Variants in SYN3 observed in about 807,000 individuals in gnomAD.
The protein encoded by SYN3 is synapsin III, also known as synapsin-3.
Under a neutral mutation model 65.8 loss-of-function variants are expected in SYN3, and 35 were observed. That is an observed-to-expected ratio of 0.53 (90% CI 0.41 to 0.70). SYN3 has a LOEUF of 0.70. SYN3 is among the 30% of genes least tolerant of loss of function. The pLI, the probability that SYN3 is intolerant of heterozygous loss-of-function variation, is 0.00. For missense variants in SYN3, 680 were observed against 749.0 expected, an observed-to-expected ratio of 0.91 and a Z score of 1.08; for synonymous variants, 270 against 292.9, an observed-to-expected ratio of 0.92 and a Z score of 0.80.
At position 32,620,726 on chromosome 22, in the gene SYN3, C is replaced by CT. The variant is rs199932750; in HGVS notation, c.712-23991dup. Reference sequence around the variant, plus strand: ...AAGAAGCTTCACAACCCAAATCACTCTTTTTTTTTTTTAAACGGAATCTCA... The same window carrying CT: ...AAGAAGCTTCACAACCCAAATCACTCTTTTTTTTTTTTTAAACGGAATCTCA... On this transcript the variant is annotated intron_variant, in intron 6 of 13. Coordinates refer to ENST00000358763, the MANE Select transcript of SYN3 (RefSeq NM_003490.4). 8.3e-4 allele frequency among the ~76,000 whole-genome samples: 122 copies of CT among 146,752 alleles called. 2 individuals are homozygous for CT. The highest frequency in any genetic ancestry group is 1.6e-3 in the Admixed American group (23 of 14,618).
chr22:32,936,703 T>A (rs1355950275), intron 3 of SYN3, among the ~76,000 whole-genome samples: 1 of 152,180 alleles, frequency 6.6e-6, no homozygotes, highest in Non-Finnish European at 1.5e-5. Flanking sequence ...GGTAGGTTAC[T>A]CAAAATTTCA....
At chr22:32,675,244 T>C (rs1358909237) in intron 6 of SYN3, among the ~76,000 whole-genome samples, 3 of 152,142 alleles carry the variant, frequency 2.0e-5, no homozygotes, top group African/African-American at 7.2e-5. Flanking sequence ...TCTTGTGGGT[T>C]TGTTAATTTA....
chr22:32,541,783 C>T, intron 7 of SYN3, 70 bp from the exon 8 acceptor site: 15 of 1,547,130 alleles, frequency 9.7e-6, no homozygotes, highest in Non-Finnish European at 1.3e-5. Flanking sequence ...ATGCCAGGAA[C>T]AAGTGCTCTG....
intron 6 of SYN3, among the ~76,000 whole-genome samples, chr22:32,761,539 T>G (rs2045479870): frequency 6.6e-6 from 1 of 152,144 alleles, no homozygotes; most frequent in African/African-American, 2.4e-5. Flanking sequence ...TTAGCCAGCT[T>G]GCTCCTGAGG....
intron 10 of SYN3, among the ~76,000 whole-genome samples, chr22:32,532,874 C>T (rs540241700): frequency 3.3e-5 from 5 of 152,088 alleles, no homozygotes; most frequent in South Asian, 4.2e-4. Context: ...GGGGGCTGGA[C>T]GCGGCACTGG....
chr22:32,984,735 G>T lies in SYN3; in HGVS notation c.312-4033C>A, dbSNP rs548962190. Among the ~76,000 whole-genome samples, 9 of 152,246 alleles carry T rather than the reference G, an allele frequency of 5.9e-5. No individual in the cohort carries two copies. In the East Asian group the frequency reaches 1.4e-3, roughly 23 times the overall value. On this transcript the variant is annotated intron_variant, in intron 2 of 13. Transcript: ENST00000358763. ...TCTTTCGTGGATTTAAAAATCACTT[G>T]CTTTTAAATCCAAGCTCCAAATTTA...
rs997175375 is a variant in SYN3, at chr22:32,510,803, G to A, written c.*2889C>T. ...GGGGGAAGGGCCCAGGAACCTTCCA[G>A]TCTGAGAGGCTGGTATTCTGGTTCT... On this transcript the variant is annotated 3_prime_UTR_variant, in exon 14 of 14. Transcript: ENST00000358763. Among the ~76,000 whole-genome samples the A allele has an allele frequency of 6.6e-5, 10 of 152,282 alleles. No homozygotes were observed. Among genetic ancestry groups the A allele is most frequent in the African/African-American group, 2.4e-4 (10 of 41,560 alleles).
chr22:32,709,888 G>A (rs2060932464), intron 6 of SYN3, among the ~76,000 whole-genome samples: 1 of 151,784 alleles, frequency 6.6e-6, no homozygotes, highest in Non-Finnish European at 1.5e-5. Flanking sequence ...TTGGACATAT[G>A]CTGGTTTATT....
chr22:32,843,661 C>T lies in SYN3; in HGVS notation c.711+21254G>A, dbSNP rs573526977. On this transcript the variant is annotated intron_variant, in intron 6 of 13. Transcript: ENST00000358763. ...GGGTAGGGCATCATTCCAACACTTC[C>T]AGATCCCTCTTTTCCTCCAAGTCTA... 3.9e-5 allele frequency among the ~76,000 whole-genome samples: 6 copies of T among 152,252 alleles called. No individual in the cohort carries two copies. In the South Asian group the frequency reaches 6.2e-4, roughly 16 times the overall value.
chr22:32,740,244 A>G (rs183476608), intron 6 of SYN3, among the ~76,000 whole-genome samples: 81 of 152,336 alleles, frequency 5.3e-4, no homozygotes, highest in Non-Finnish European at 1.0e-4. Context: ...TACTTTCTGG[A>G]CAACTGTTCT....
intron 7 of SYN3, among the ~76,000 whole-genome samples, chr22:32,595,557 C>A (rs2059186900): frequency 1.3e-5 from 2 of 152,180 alleles, no homozygotes; most frequent in Admixed American, 1.3e-4. Context: ...ACTCTGGGGG[C>A]TTCTTCCATG....
Position 32,813,511 on chromosome 22 carries a change from AC to A in SYN3, c.711+51403del, listed in dbSNP as rs1166645470. ...TACACACACACACACACACACACAC[AC>A]ACACACACACACACACACACACACG... On this transcript the variant is annotated intron_variant, in intron 6 of 13. Coordinates refer to ENST00000358763, the MANE Select transcript of SYN3 (RefSeq NM_003490.4). Among the ~76,000 whole-genome samples the A allele has an allele frequency of 9.4e-3, 1,405 of 150,128 alleles. 25 individuals carry two copies. The highest frequency in any genetic ancestry group is 0.034 in the African/African-American group (1,351 of 39,804).
chr22:32,994,850 T>C lies in SYN3; in HGVS notation c.311+11502A>G, dbSNP rs548937659. Among the ~76,000 whole-genome samples the C allele has an allele frequency of 3.3e-5, 5 of 152,280 alleles. No homozygotes were observed. In the East Asian group the frequency reaches 7.7e-4, roughly 23 times the overall value. On this transcript the variant is annotated intron_variant, in intron 2 of 13. Coordinates refer to ENST00000358763, the MANE Select transcript of SYN3 (RefSeq NM_003490.4). Reference sequence around the variant, plus strand: ...GATTATACTCACCAGCAATTAGTAATTGCAATTAATTGTTAATAACAGTTA... The same window carrying C: ...GATTATACTCACCAGCAATTAGTAACTGCAATTAATTGTTAATAACAGTTA...
intron 6 of SYN3, among the ~76,000 whole-genome samples, chr22:32,721,919 G>T (rs1266462077): frequency 6.6e-6 from 1 of 152,196 alleles, no homozygotes; most frequent in Admixed American, 6.5e-5. Context: ...ACAAAATGCT[G>T]GCTCCAGGAA....
At chr22:32,772,351 G>A (rs2045794934) in intron 6 of SYN3, among the ~76,000 whole-genome samples, 1 of 151,460 alleles carries the variant, frequency 6.6e-6, no homozygotes, top group African/African-American at 2.4e-5. Flanking sequence ...GAGAACCCTG[G>A]TGTGACCCCA....
chr22:33,026,132 G>A (rs1465005611), intron 1 of SYN3, among the ~76,000 whole-genome samples: 1 of 152,158 alleles, frequency 6.6e-6, no homozygotes, highest in Non-Finnish European at 1.5e-5. Flanking sequence ...GAAGGCACAT[G>A]AGCAAAACAA....
intron 6 of SYN3, among the ~76,000 whole-genome samples, chr22:32,667,785 T>C (rs1057397378): frequency 1.3e-5 from 2 of 149,190 alleles, no homozygotes; most frequent in South Asian, 2.1e-4. Context: ...AGATCACTTT[T>C]CTTTCTTTCT....
At chr22:32,731,732 G>A (rs2061272697) in intron 6 of SYN3, among the ~76,000 whole-genome samples, 2 of 152,170 alleles carry the variant, frequency 1.3e-5, no homozygotes, top group African/African-American at 4.8e-5. Flanking sequence ...CACGGTTAAT[G>A]ACAAAGCCCT....
intron 6 of SYN3, among the ~76,000 whole-genome samples, chr22:32,689,057 G>T (rs2060629401): frequency 6.6e-6 from 1 of 152,272 alleles, no homozygotes; most frequent in African/African-American, 2.4e-5. Context: ...CACATAATAG[G>T]CAATCTAAAA....
Sources: gnomAD v4.1 joint callset for allele counts (sites outside exome capture counted in the v4.1 genomes callset) on GRCh38, gnomAD v4.1.1 for gene constraint, MANE v1.5 for transcripts, NCBI Gene and HGNC (gene_info 2026-07-23, HGNC 2026-07-21) for gene names.